DLG2: variants seen among roughly 807,000 people sequenced by gnomAD.
DLG2 encodes the protein disks large homolog 2.
Under a neutral mutation model 132.5 loss-of-function variants are expected in DLG2, and 45 were observed. That is an observed-to-expected ratio of 0.34 (90% CI 0.27 to 0.44). DLG2 has a LOEUF of 0.44. Ranked by LOEUF, DLG2 falls within the 20% of genes least tolerant of loss-of-function variation. The probability of loss-of-function intolerance (pLI) is 1.00; values close to 1 mark genes in which losing one functional copy is unlikely to be tolerated. For synonymous variants in DLG2, 424 were observed against 419.6 expected, an observed-to-expected ratio of 1.01 and a Z score of -0.13; for missense variants, 1,045 against 1,196.9, an observed-to-expected ratio of 0.87 and a Z score of 1.87.
chr11:84,628,916 G>C (rs910233078), intron 6 of DLG2, among the ~76,000 whole-genome samples: 1 of 152,146 alleles, frequency 6.6e-6, no homozygotes. Context: ...GTCTGGCTGT[G>C]ACCGAGATTG....
intron 10 of DLG2, among the ~76,000 whole-genome samples, chr11:84,069,992 C>G (rs1387632886): frequency 1.3e-5 from 2 of 152,240 alleles, no homozygotes; most frequent in Admixed American, 6.5e-5. Flanking sequence ...TGGATTACTA[C>G]AGTAGCTTCC....
intron 9 of DLG2, among the ~76,000 whole-genome samples, chr11:84,141,220 C>T (rs977378593): frequency 6.6e-6 from 1 of 151,882 alleles, no homozygotes; most frequent in African/African-American, 2.4e-5. Flanking sequence ...TATCTATCTA[C>T]CTACCTACCT....
At chr11:85,242,356 TTATGTATCTTGGTG>T (rs2075927747) in intron 4 of DLG2, among the ~76,000 whole-genome samples, 1 of 152,022 alleles carries the variant, frequency 6.6e-6, no homozygotes, top group Non-Finnish European at 1.5e-5. Context: ...ATGTTTTCTA[TTATGTATCTTGGTG>T]TGGGTCTTTA....
intron 14 of DLG2, among the ~76,000 whole-genome samples, chr11:83,955,318 C>A (rs1484587583): frequency 6.6e-6 from 1 of 152,198 alleles, no homozygotes; most frequent in Non-Finnish European, 1.5e-5. Flanking sequence ...GACCCACACA[C>A]CTAATCACTC....
rs544952730 is a variant in DLG2, at chr11:85,534,369, G to A, written c.40+64288C>T. On this transcript the variant is annotated intron_variant, in intron 3 of 27. Transcript: ENST00000376104. ...TAATTTTTTTTAATTTTAGATTTGG[G>A]GGTACTTATGCAGGTTTGTCACCCG... Among the ~76,000 whole-genome samples, 17 of 151,456 alleles carry A rather than the reference G, an allele frequency of 1.1e-4. No individual in the cohort carries two copies. In the East Asian group the frequency reaches 2.9e-3, roughly 26 times the overall value.
intron 18 of DLG2, among the ~76,000 whole-genome samples, chr11:83,665,988 C>CT (rs975928905): frequency 3.3e-5 from 5 of 152,140 alleles, no homozygotes; most frequent in African/African-American, 1.2e-4. Context: ...GACCCACTAT[C>CT]TCCCCCATGA....
intron 18 of DLG2, among the ~76,000 whole-genome samples, chr11:83,672,844 C>A (rs1161018077): frequency 6.6e-6 from 1 of 152,042 alleles, no homozygotes; most frequent in Non-Finnish European, 1.5e-5. Flanking sequence ...GGGTGAATCA[C>A]GAGGTCAGGA....
chr11:85,059,030 C>T (rs1032713350), intron 6 of DLG2, among the ~76,000 whole-genome samples: 2 of 151,130 alleles, frequency 1.3e-5, no homozygotes, highest in Non-Finnish European at 3.0e-5. Context: ...AAAGTAATAA[C>T]TTTAGTTCAA....
intron 16 of DLG2, among the ~76,000 whole-genome samples, chr11:83,850,160 G>GTGTGTGTGTGTGTGTGTTTTTT (rs1452960432): frequency 1.6e-5 from 2 of 124,304 alleles, no homozygotes; most frequent in African/African-American, 7.2e-5. Flanking sequence ...GTGTGTGTGT[G>GTGTGTGTGTGTGTGTGTTTTTT]TTTTTTTACT....
intron 10 of DLG2, among the ~76,000 whole-genome samples, chr11:84,083,807 T>C (rs1367812948): frequency 6.6e-6 from 1 of 152,158 alleles, no homozygotes; most frequent in African/African-American, 2.4e-5. Flanking sequence ...CCTGTTACAG[T>C]AACCAAAAAT....
At chr11:84,208,115 G>A (rs1464605606) in intron 8 of DLG2, among the ~76,000 whole-genome samples, 2 of 152,044 alleles carry the variant, frequency 1.3e-5, no homozygotes, top group African/African-American at 4.8e-5. Flanking sequence ...CAATGTATAC[G>A]TTTCATGTAT....
At chr11:85,054,407 T>C (rs1167786165) in intron 6 of DLG2, among the ~76,000 whole-genome samples, 1 of 152,190 alleles carries the variant, frequency 6.6e-6, no homozygotes, top group African/African-American at 2.4e-5. Context: ...AGGAAATGCT[T>C]ATACACTGCT....
At chr11:85,490,436 T>A (rs2093530228) in intron 3 of DLG2, among the ~76,000 whole-genome samples, 1 of 149,318 alleles carries the variant, frequency 6.7e-6, no homozygotes, top group African/African-American at 2.5e-5. Context: ...GAAGAAGAAA[T>A]GAAATAACAA....
rs140775835 is a variant in DLG2, at chr11:83,553,797, C to A, written c.1941-11939G>T. 1.2e-4 allele frequency among the ~76,000 whole-genome samples: 19 copies of A among 152,020 alleles called. No homozygotes were observed. In the East Asian group the frequency reaches 3.7e-3, roughly 29 times the overall value. ...TAGTTCAGAAATTTAGAGGAAAAAA[C>A]CTAAAGAGATCCAGTACATTATGTT... On this transcript the variant is annotated intron_variant, in intron 19 of 27. Transcript: ENST00000376104.
chr11:84,929,981 A>G (rs923780129), intron 6 of DLG2, among the ~76,000 whole-genome samples: 1 of 152,032 alleles, frequency 6.6e-6, no homozygotes, highest in Non-Finnish European at 1.5e-5. Context: ...TAAAAAGCCT[A>G]CTCTTCTGGA....
intron 5 of DLG2, among the ~76,000 whole-genome samples, chr11:85,145,467 C>G (rs1344506444): frequency 1.3e-5 from 2 of 151,846 alleles, no homozygotes; most frequent in Admixed American, 6.6e-5. Flanking sequence ...TTACATTTTC[C>G]CTTTTGAGAC....
At chr11:84,471,809 C>A (rs556938574) in intron 7 of DLG2, among the ~76,000 whole-genome samples, 54 of 152,004 alleles carry the variant, frequency 3.6e-4, no homozygotes, top group African/African-American at 1.3e-3. Flanking sequence ...CTATCTTCCT[C>A]CTTTCTCCTC....
intron 6 of DLG2, among the ~76,000 whole-genome samples, chr11:84,747,100 A>T (rs1390401333): frequency 1.3e-5 from 2 of 152,140 alleles, no homozygotes; most frequent in African/African-American, 4.8e-5. Flanking sequence ...TGTTTCTCCT[A>T]AGGTACATGG....
At chr11:84,704,168 C>A (rs1235070763) in intron 6 of DLG2, among the ~76,000 whole-genome samples, 1 of 151,304 alleles carries the variant, frequency 6.6e-6, no homozygotes, top group East Asian at 2.0e-4. Context: ...CACATCCCTA[C>A]TGCTAATAAA....
Sources: gnomAD v4.1 joint callset for allele counts (sites outside exome capture counted in the v4.1 genomes callset) on GRCh38, gnomAD v4.1.1 for gene constraint, MANE v1.5 for transcripts, NCBI Gene and HGNC (gene_info 2026-07-23, HGNC 2026-07-21) for gene names.